Variants in ARHGAP32 observed in about 807,000 individuals in gnomAD.
ARHGAP32 encodes the protein Rho GTPase activating protein 32.
A neutral mutation model predicts 186.5 loss-of-function variants in ARHGAP32; 51 were observed. The ratio of observed to expected loss-of-function variants is 0.27; its 90% confidence interval spans 0.22 to 0.35. The LOEUF (loss-of-function observed/expected upper bound fraction) is 0.35, where lower values mean the gene tolerates loss of function less well. ARHGAP32 is among the 10% of genes least tolerant of loss of function. ARHGAP32 has a pLI of 1.00. For missense variants in ARHGAP32, 2,186 were observed against 2,623.5 expected, an observed-to-expected ratio of 0.83 and a Z score of 3.64; for synonymous variants, 950 against 964.3, an observed-to-expected ratio of 0.99 and a Z score of 0.27.
intron 10 of ARHGAP32, among the ~76,000 whole-genome samples, chr11:129,055,594 T>C (rs910722490): frequency 1.3e-5 from 2 of 152,138 alleles, no homozygotes; most frequent in African/African-American, 4.8e-5. Flanking sequence ...GAATATTAGA[T>C]AGTGATTCAA....
chr11:128,984,217 T>C (rs1183621237), intron 15 of ARHGAP32, among the ~76,000 whole-genome samples: 2 of 151,784 alleles, frequency 1.3e-5, no homozygotes, highest in African/African-American at 4.8e-5. Context: ...CTACCAAAAA[T>C]ACAAAAAATT....
chr11:129,129,377 G>C (rs1368168862), intron 2 of ARHGAP32, among the ~76,000 whole-genome samples: 1 of 150,740 alleles, frequency 6.6e-6, no homozygotes, highest in Non-Finnish European at 1.5e-5. Context: ...GAAGTGAGGA[G>C]CCCCTCCGCC....
At chr11:129,256,891 C>T (rs555304520) in intron 1 of ARHGAP32, among the ~76,000 whole-genome samples, 7 of 152,234 alleles carry the variant, frequency 4.6e-5, no homozygotes, top group South Asian at 2.1e-4. Flanking sequence ...CTAAGACTTC[C>T]GCGAATCTCT....
At chr11:128,979,735 A>C (rs1433573662) in intron 18 of ARHGAP32, among the ~76,000 whole-genome samples, 1 of 152,226 alleles carries the variant, frequency 6.6e-6, no homozygotes, top group African/African-American at 2.4e-5. Flanking sequence ...AACAAATTCT[A>C]AAGTTATATT....
intron 6 of ARHGAP32, among the ~76,000 whole-genome samples, chr11:129,068,472 C>T (rs1050279088): frequency 3.3e-5 from 5 of 152,068 alleles, no homozygotes; most frequent in Admixed American, 3.3e-4. Flanking sequence ...GTACAAGCAT[C>T]ATTTTATTTC....
At chr11:129,210,343 G>A (rs1944564268) in intron 1 of ARHGAP32, among the ~76,000 whole-genome samples, 1 of 152,060 alleles carries the variant, frequency 6.6e-6, no homozygotes, top group Admixed American at 6.6e-5. Flanking sequence ...CAACTGTATG[G>A]GAAATTTTCA....
At chr11:129,160,157 C>G (rs1943499383) in intron 2 of ARHGAP32, among the ~76,000 whole-genome samples, 1 of 152,100 alleles carries the variant, frequency 6.6e-6, no homozygotes, top group African/African-American at 2.4e-5. Context: ...ACTGAAAGGG[C>G]AAAAGCTGGA....
upstream of ARHGAP32, among the ~76,000 whole-genome samples, chr11:129,196,326 G>A (rs1004233084): frequency 6.6e-6 from 1 of 152,190 alleles, no homozygotes; most frequent in Non-Finnish European, 1.5e-5. Flanking sequence ...AGGGAAAAAA[G>A]AGGGATGGTC....
intron 9 of ARHGAP32, 150 bp from the exon 10 acceptor site, chr11:129,062,507 A>C: frequency 1.8e-6 from 1 of 565,186 alleles, no homozygotes; most frequent in Non-Finnish European, 3.0e-6. Flanking sequence ...TTTCTTTTTA[A>C]AAATCATTTA....
chr11:129,031,352 A>G (rs1939106487), intron 11 of ARHGAP32, among the ~76,000 whole-genome samples: 1 of 152,212 alleles, frequency 6.6e-6, no homozygotes, highest in African/African-American at 2.4e-5. Flanking sequence ...CTCACTTTTC[A>G]GTTATGGAAA....
chr11:129,277,960 C>G (rs1945553161), intron 1 of ARHGAP32, among the ~76,000 whole-genome samples: 1 of 152,208 alleles, frequency 6.6e-6, no homozygotes, highest in Non-Finnish European at 1.5e-5. Context: ...TATTGAGTCA[C>G]AACCATAAAT....
intron 2 of ARHGAP32, among the ~76,000 whole-genome samples, 198 bp from the exon 3 acceptor site, chr11:129,125,092 G>T (rs1013787203): frequency 1.3e-5 from 2 of 152,024 alleles, no homozygotes; most frequent in African/African-American, 4.8e-5. Context: ...CAGCTTTACT[G>T]TATAAGGGAA....
At chr11:129,142,752 A>G (rs1475129144) in intron 2 of ARHGAP32, among the ~76,000 whole-genome samples, 1 of 151,710 alleles carries the variant, frequency 6.6e-6, no homozygotes, top group Non-Finnish European at 1.5e-5. Flanking sequence ...ATGCATGGGG[A>G]AAGTATAATA....
intron 1 of ARHGAP32, 140 bp from the exon 2 acceptor site, chr11:129,164,567 C>T: frequency 1.7e-6 from 1 of 572,708 alleles, no homozygotes; most frequent in East Asian, 2.9e-5. Context: ...TAGCAGTGAT[C>T]CTTTATTTCT....
At chr11:129,168,909 C>T (rs1943694674) in intron 1 of ARHGAP32, among the ~76,000 whole-genome samples, 1 of 151,812 alleles carries the variant, frequency 6.6e-6, no homozygotes, top group Non-Finnish European at 1.5e-5. Context: ...TACTCAATAA[C>T]TCATAAATCA....
chr11:129,062,413 T>C, intron 9 of ARHGAP32, 56 bp from the exon 10 acceptor site: 1 of 1,412,784 alleles, frequency 7.1e-7, no homozygotes. Context: ...AAACCAATTG[T>C]TATACCTAGA....
chr11:129,140,909 G>GC (rs1445301287), intron 2 of ARHGAP32, among the ~76,000 whole-genome samples: 1 of 152,010 alleles, frequency 6.6e-6, no homozygotes, highest in Non-Finnish European at 1.5e-5. Context: ...CCTTTCCATG[G>GC]CAACGTTTTT....
chr11:129,251,414 T>C (rs1945180308), intron 1 of ARHGAP32, among the ~76,000 whole-genome samples: 1 of 152,104 alleles, frequency 6.6e-6, no homozygotes, highest in South Asian at 2.1e-4. Context: ...CTTCTAAAAA[T>C]AAGCAGTCTA....
At chr11:129,109,404 C>T (rs111253795) in intron 5 of ARHGAP32, among the ~76,000 whole-genome samples, 4 of 151,806 alleles carry the variant, frequency 2.6e-5, no homozygotes, top group Non-Finnish European at 5.9e-5. Context: ...GGTATCAATC[C>T]GATACACTGA....
Sources: allele counts gnomAD v4.1 joint callset (sites outside exome capture counted in the v4.1 genomes callset), GRCh38; gene constraint gnomAD v4.1.1; transcripts MANE v1.5; gene names NCBI Gene and HGNC (gene_info 2026-07-23, HGNC 2026-07-21).